The following ALDH1A3 variants were observed in gnomAD, a reference collection of about 807,000 sequenced individuals.
The protein encoded by ALDH1A3 is aldehyde dehydrogenase 1 family member A3, also known as retinaldehyde dehydrogenase 3.
A neutral mutation model predicts 57.5 loss-of-function variants in ALDH1A3; 28 were observed. The observed-to-expected ratio is 0.49, with a 90% CI of 0.36 to 0.67. ALDH1A3 has a LOEUF of 0.67. ALDH1A3 is among the 30% of genes least tolerant of loss of function. ALDH1A3 has a pLI of 0.00. For missense variants in ALDH1A3, 507 were observed against 669.4 expected, an observed-to-expected ratio of 0.76 and a Z score of 2.68; for synonymous variants, 281 against 264.8, an observed-to-expected ratio of 1.06 and a Z score of -0.59.
chr15:100,889,946 A>G lies in ALDH1A3; in HGVS notation c.345+2234A>G, dbSNP rs537774841. ...CTCCACCTCGATATGGTTTCCGTGC[A>G]TGTTCATGGAGCGTGTTCTCTTGCC... On this transcript the variant is annotated intron_variant, in intron 3 of 12. Transcript: ENST00000329841. This position sits in a 1 kb window ranked among gnomAD's most constrained non-coding sequence, Gnocchi z 5.1. Among the ~76,000 whole-genome samples, 3 of 152,320 alleles carry G rather than the reference A, an allele frequency of 2.0e-5. No individual in the cohort carries two copies. The South Asian group carries it at 6.2e-4, about 32-fold the overall frequency.
At chr15:100,899,144 A>G (rs117596768) in intron 8 of ALDH1A3, among the ~76,000 whole-genome samples, 1,698 of 152,322 alleles carry the variant, frequency 0.011, 37 homozygotes, top group African/African-American at 0.027. Context: ...GGACAGGAGG[A>G]GGATACAGGC....
intron 9 of ALDH1A3, among the ~76,000 whole-genome samples, chr15:100,905,214 A>G (rs901829196): frequency 2.7e-4 from 41 of 151,474 alleles, no homozygotes; most frequent in African/African-American, 9.8e-4. Context: ...AAAGACTGTG[A>G]CCACTTCAGA....
At chr15:100,914,512 T>G in intron 12 of ALDH1A3, 189 bp from the exon 13 acceptor site, 1 of 527,312 alleles carries the variant, frequency 1.9e-6, no homozygotes, top group Non-Finnish European at 3.4e-6. Context: ...TACATTTAAG[T>G]CACATATGCA....
intron 7 of ALDH1A3, 144 bp from the exon 8 acceptor site, chr15:100,897,939 C>T (rs540228697): frequency 1.0e-4 from 65 of 646,656 alleles, no homozygotes; most frequent in Admixed American, 3.1e-4. Flanking sequence ...AGTGAAGGGA[C>T]GGCATCGGGG....
Position 100,893,991 on chromosome 15 carries a change from C to T in ALDH1A3, c.575C>T (p.Ala192Val). ...CTGCTGATGCTGGTGTGGAAGCTGG[C>T]ACCCGCCCTCTGCTGTGGGAACACC... ...FPLLMLVWKL[A>V]PALCCGNTMV... The change falls in exon 6 of 13, where the codon GCA (alanine) becomes GTA (valine). Residue 192 changes from alanine (A) to valine (V), a missense_variant. Ala to Val is a moderately conservative substitution (Grantham distance 64). This residue lies in a region of ALDH1A3 where 432 missense variants were observed against 608.4 expected (regional missense o/e 0.71). Coordinates refer to ENST00000329841, the MANE Select transcript of ALDH1A3 (RefSeq NM_000693.4). This position sits in a 1 kb window ranked among gnomAD's most constrained non-coding sequence, Gnocchi z 4.8. 6.2e-7 allele frequency: 1 copy of T among 1,614,208 alleles called. No individual in the cohort carries two copies. Among genetic ancestry groups the T allele is most frequent in the Non-Finnish European group, 8.5e-7 (1 of 1,180,040 alleles).
chr15:100,905,722 G>A (rs1361631559), intron 10 of ALDH1A3, 35 bp downstream of exon 10: 1 of 1,501,670 alleles, frequency 6.7e-7, no homozygotes, highest in African/African-American at 1.4e-5. Context: ...ACGACTTGCG[G>A]GGCCTTTCAA....
intron 1 of ALDH1A3, 38 bp downstream of exon 1, chr15:100,880,044 C>G: frequency 7.2e-7 from 1 of 1,398,500 alleles, no homozygotes; most frequent in Non-Finnish European, 9.4e-7. Context: ...GGCCGCGGGC[C>G]CCTGCGCTGG....
chr15:100,887,473 A>G lies in ALDH1A3; in HGVS notation c.205-99A>G. ...ATGACACCCAAACTGCAGTCACCTC[A>G]AAAGATGACACCCAAACTTCAGTCA... On this transcript the variant is annotated intron_variant, in intron 2 of 12. Coordinates refer to ENST00000329841, the MANE Select transcript of ALDH1A3 (RefSeq NM_000693.4). The surrounding 1 kb of genome is among the most constrained non-coding windows in gnomAD (Gnocchi z 4.6). 2.2e-6 allele frequency: 3 copies of G among 1,387,452 alleles called. No homozygotes were observed. Among genetic ancestry groups the G allele is most frequent in the Non-Finnish European group, 2.9e-6 (3 of 1,042,104 alleles). The allele number at this position is 1,387,452 out of a possible 1,614,324, so 85.9% of individuals were successfully genotyped here.
chr15:100,901,984 C>G (rs1004136280), intron 9 of ALDH1A3, among the ~76,000 whole-genome samples: 1 of 152,236 alleles, frequency 6.6e-6, no homozygotes, highest in African/African-American at 2.4e-5. Context: ...GCCCCAAACC[C>G]AGCGGTCAGT....
rs1358259716 is a variant in ALDH1A3, at chr15:100,879,970, G to C, written c.63G>C (p.Pro21=). The change falls in exon 1 of 13, where the codon CCG becomes CCC. Residue 21 remains proline (P), a synonymous_variant. Transcript: ENST00000329841. Reference sequence around the variant, plus strand: ...CGGACAGGAAGCCGCCGGCCCTGCCGCGCCCCATCCGCAACCTGGAGGTCA... The same window carrying C: ...CGGACAGGAAGCCGCCGGCCCTGCCCCGCCCCATCCGCAACCTGGAGGTCA... ...GQPDRKPPAL[P]RPIRNLEVKF... is the part of the protein sequence containing the mutation. The C allele has an allele frequency of 6.8e-7, 1 of 1,476,282 alleles. No individual in the cohort carries two copies. The highest frequency in any genetic ancestry group is 2.4e-5 in the Admixed American group (1 of 42,158). 91.4% of individuals were successfully genotyped at this position (1,476,282 alleles called of 1,614,324 possible). A position where few individuals can be genotyped will look rare whatever the true frequency, so the allele number is the denominator to read the frequency against.
chr15:100,905,430 G>C (rs1006084693), intron 9 of ALDH1A3, 93 bp from the exon 10 acceptor site: 1 of 1,473,020 alleles, frequency 6.8e-7, no homozygotes, highest in South Asian at 1.2e-5. Flanking sequence ...GCAGAGGGAG[G>C]ATGGCTGATC....
intron 3 of ALDH1A3, among the ~76,000 whole-genome samples, chr15:100,890,494 G>T (rs1039101623): frequency 6.6e-6 from 1 of 152,176 alleles, no homozygotes; most frequent in Non-Finnish European, 1.5e-5. Flanking sequence ...GTAAATTCAT[G>T]TTGTCACTCC....
At position 100,900,250 on chromosome 15, in the gene ALDH1A3, A is replaced by AAGGGG. The variant is rs1277154192; in HGVS notation, c.884-312_884-308dup. Among the ~76,000 whole-genome samples the AAGGGG allele has an allele frequency of 4.6e-5, 7 of 152,308 alleles. No homozygotes were observed. In the East Asian group the frequency reaches 1.3e-3, roughly 29 times the overall value. On this transcript the variant is annotated intron_variant, in intron 8 of 12. Transcript: ENST00000329841. ...CTATAAAACATTAGTCCTCTAGAAA[A>AAGGGG]AGGGGAGGGGAGGGGAGTCCTCTAG...
intron 3 of ALDH1A3, among the ~76,000 whole-genome samples, chr15:100,891,419 TC>T (rs1264192683): frequency 2.6e-5 from 4 of 152,174 alleles, no homozygotes; most frequent in African/African-American, 9.7e-5. Flanking sequence ...CTGCAGTCTT[TC>T]CAGACACACC....
intron 3 of ALDH1A3, chr15:100,892,226 C>T (rs1240391364): frequency 4.0e-5 from 15 of 379,392 alleles, no homozygotes; most frequent in South Asian, 2.6e-4. Context: ...GCTTTAAATC[C>T]GCCTGGCCTC....
chr15:100,892,414 G>A, intron 3 of ALDH1A3, 96 bp from the exon 4 acceptor site: 1 of 1,555,126 alleles, frequency 6.4e-7, no homozygotes. Context: ...CAATGTCCTA[G>A]GACTGTGTTC....
intron 7 of ALDH1A3, 24 bp from the exon 8 acceptor site, chr15:100,898,059 T>G: frequency 6.2e-7 from 1 of 1,605,836 alleles, no homozygotes; most frequent in Non-Finnish European, 8.5e-7. Context: ...CAAGGTAAAT[T>G]GTGATCTGTG....
rs28504296 is a variant in ALDH1A3, at chr15:100,891,037, G to C, written c.346-1473G>C. On this transcript the variant is annotated intron_variant, in intron 3 of 12. Transcript: ENST00000329841. ...CCTGTGGTCTTTAGCAACCCAGTGC[G>C]CTGTCTGGGTCCCCAGGTGAGGATC... Among the ~76,000 whole-genome samples, 1,074 of 152,278 alleles carry C rather than the reference G, an allele frequency of 7.1e-3. 15 individuals are homozygous for C. The highest frequency in any genetic ancestry group is 0.023 in the East Asian group (118 of 5,180).
At position 100,879,958 on chromosome 15, in the gene ALDH1A3, G is replaced by T; in HGVS notation, c.51G>T (p.Pro17=). 1 of 1,474,526 alleles carries T rather than the reference G, an allele frequency of 6.8e-7. No individual in the cohort carries two copies. Among genetic ancestry groups the T allele is most frequent in the Non-Finnish European group, 9.0e-7 (1 of 1,111,880 alleles). 91.3% of individuals were successfully genotyped at this position (1,474,526 alleles called of 1,614,324 possible). A position where few individuals can be genotyped will look rare whatever the true frequency, so the allele number is the denominator to read the frequency against. Residue 17 remains proline, a synonymous_variant, in exon 1 of 13, where the codon CCG becomes CCT. Coordinates refer to ENST00000329841, the MANE Select transcript of ALDH1A3 (RefSeq NM_000693.4). ...AVENGQPDRK[P]PALPRPIRNL... Reference sequence around the variant, plus strand: ...AAAACGGGCAGCCGGACAGGAAGCCGCCGGCCCTGCCGCGCCCCATCCGCA... The same window carrying T: ...AAAACGGGCAGCCGGACAGGAAGCCTCCGGCCCTGCCGCGCCCCATCCGCA...
Sources: allele counts gnomAD v4.1 joint callset (sites outside exome capture counted in the v4.1 genomes callset), GRCh38; gene constraint gnomAD v4.1.1; regional missense constraint gnomAD v4.1.1; non-coding constraint Gnocchi (gnomAD v3.1); transcripts MANE v1.5; gene names NCBI Gene and HGNC (gene_info 2026-07-23, HGNC 2026-07-21).